The following CMC2 variants were observed in gnomAD, a reference collection of about 807,000 sequenced individuals.
CMC2 encodes the protein COX assembly mitochondrial protein 2 homolog.
A neutral mutation model predicts 7.5 loss-of-function variants in CMC2; 5 were observed. That is an observed-to-expected ratio of 0.66 (90% CI 0.35 to 1.40). The LOEUF is 1.40. CMC2 is among the 40% of genes most tolerant of loss of function. The pLI is 0.04. For synonymous variants in CMC2, 37 were observed against 31.4 expected, an observed-to-expected ratio of 1.18 and a Z score of -0.60; for missense variants, 115 against 92.3, an observed-to-expected ratio of 1.25 and a Z score of -1.01.
intron 2 of CMC2, chr16:80,983,868 C>T (rs1037854361): frequency 6.6e-6 from 1 of 152,350 alleles, no homozygotes; most frequent in Non-Finnish European, 1.5e-5. Context: ...GTAATCCCAA[C>T]TACTCTGGAG....
chr16:80,982,914 G>A (rs1967239922), intron 2 of CMC2: 1 of 167,600 alleles, frequency 6.0e-6, no homozygotes, highest in Non-Finnish European at 1.3e-5. Context: ...TGCTGGAAGT[G>A]CTCCCAAGAA....
At chr16:81,004,768 ACT>A (rs1465071821) in intron 1 of CMC2, among the ~76,000 whole-genome samples, 3 of 152,122 alleles carry the variant, frequency 2.0e-5, no homozygotes, top group African/African-American at 7.2e-5. Context: ...TTGTCTACTG[ACT>A]CTGAGGTACA....
At chr16:81,003,306 T>C (rs2602417) in intron 1 of CMC2, among the ~76,000 whole-genome samples, 95,885 of 152,176 alleles carry the variant, frequency 0.63, 31,744 homozygotes, top group South Asian at 0.79. Flanking sequence ...GTATTCCATA[T>C]TCTTATTCTT....
At position 80,974,763 on chromosome 16, in the gene CMC2, T is replaced by C. The variant is rs905739399; in HGVS notation, c.*1330A>G. The C allele has an allele frequency of 2.6e-5, 4 of 152,238 alleles. No homozygotes were observed. The highest frequency in any genetic ancestry group is 5.9e-5 in the Non-Finnish European group (4 of 68,044). 9.4% of individuals were successfully genotyped at this position (152,238 alleles called of 1,614,324 possible). ...AGGCAAAATGTCTCATTTCTGTATTTCTACTGCCTGACACTAGGGGGACTG... is the reference window on the plus strand; with the variant it reads ...AGGCAAAATGTCTCATTTCTGTATTCCTACTGCCTGACACTAGGGGGACTG... On this transcript the variant is annotated 3_prime_UTR_variant, in exon 4 of 4. Coordinates refer to ENST00000219400, the MANE Select transcript of CMC2 (RefSeq NM_020188.5).
At chr16:80,982,001 G>T (rs969453167) in intron 2 of CMC2, 124 bp from the exon 3 acceptor site, 1 of 583,998 alleles carries the variant, frequency 1.7e-6, no homozygotes, top group Non-Finnish European at 3.0e-6. Context: ...ACAAGTAATA[G>T]TTAAATCACA....
chr16:80,999,244 A>G (rs1477845179), intron 1 of CMC2, among the ~76,000 whole-genome samples: 2 of 152,222 alleles, frequency 1.3e-5, no homozygotes, highest in Non-Finnish European at 2.9e-5. Context: ...AACATAGAAA[A>G]ATCAGTAGCA....
chr16:81,006,617 G>C (rs1197418126), intron 1 of CMC2, 117 bp downstream of exon 1: 1 of 777,742 alleles, frequency 1.3e-6, no homozygotes, highest in Non-Finnish European at 1.6e-6. Context: ...GGGTCTTCCT[G>C]GTCCCCACCT....
At chr16:80,981,018 A>G (rs1488695756) in intron 3 of CMC2, 1 of 412,810 alleles carries the variant, frequency 2.4e-6, no homozygotes, top group Non-Finnish European at 4.3e-6. Context: ...AGCAGAAAAC[A>G]AAATCAAAAG....
Position 81,006,816 on chromosome 16 carries a change from G to A in CMC2, c.-118C>T. On this transcript the variant is annotated 5_prime_UTR_variant, in exon 1 of 4. Coordinates refer to ENST00000219400, the MANE Select transcript of CMC2 (RefSeq NM_020188.5). Reference sequence around the variant, plus strand: ...CCCGAAGGCCGGCTGCTAGGGAGCAGACAGCTGAACCGCTTGCCAGACGCC... The same window carrying A: ...CCCGAAGGCCGGCTGCTAGGGAGCAAACAGCTGAACCGCTTGCCAGACGCC... The A allele has an allele frequency of 1.0e-6, 1 of 985,622 alleles. No homozygotes were observed. Among genetic ancestry groups the A allele is most frequent in the Non-Finnish European group, 1.2e-6 (1 of 830,096 alleles). The allele number at this position is 985,622 out of a possible 1,614,324, so 61.1% of individuals were successfully genotyped here.
At chr16:80,993,004 A>G (rs1968128227) in intron 2 of CMC2, among the ~76,000 whole-genome samples, 1 of 152,086 alleles carries the variant, frequency 6.6e-6, no homozygotes, top group Admixed American at 6.6e-5. Context: ...CCCCACACCT[A>G]GGTTATATAA....
At chr16:80,978,775 T>C (rs928691890) in intron 3 of CMC2, among the ~76,000 whole-genome samples, 1 of 151,726 alleles carries the variant, frequency 6.6e-6, no homozygotes, top group Admixed American at 6.6e-5. Flanking sequence ...GGCCATACCC[T>C]TTTTCTACTT....
At chr16:81,006,678 G>A (rs1009541137) in intron 1 of CMC2, 56 bp downstream of exon 1, 5 of 981,308 alleles carry the variant, frequency 5.1e-6, no homozygotes, top group Admixed American at 6.1e-5. Flanking sequence ...CGCCATCAGG[G>A]ACCTGAGGAG....
chr16:80,985,917 A>AAAAAC (rs1311503689), intron 2 of CMC2, among the ~76,000 whole-genome samples: 1 of 151,450 alleles, frequency 6.6e-6, no homozygotes, highest in East Asian at 1.9e-4. Context: ...AAAAAAAAAA[A>AAAAAC]ACCACAGGAA....
At chr16:80,977,706 AGTTTT>A (rs1912587053) in intron 3 of CMC2, among the ~76,000 whole-genome samples, 1 of 152,214 alleles carries the variant, frequency 6.6e-6, no homozygotes, top group Non-Finnish European at 1.5e-5. Context: ...CTAGGTCAAA[AGTTTT>A]GACTGAAGGA....
At position 80,986,337 on chromosome 16, in the gene CMC2, G is replaced by C. The variant is rs146267393; in HGVS notation, c.82-4460C>G. On this transcript the variant is annotated intron_variant, in intron 2 of 3. Transcript: ENST00000219400. Reference sequence around the variant, plus strand: ...TACACTCCAGCCTGGGCGACAGAGAGAAACTCTGCCTCAAAACTAACTAAA... The same window carrying C: ...TACACTCCAGCCTGGGCGACAGAGACAAACTCTGCCTCAAAACTAACTAAA... Among the ~76,000 whole-genome samples the C allele has an allele frequency of 1.8e-4, 27 of 152,140 alleles. No individual in the cohort carries two copies. In the East Asian group the frequency reaches 5.2e-3, roughly 29 times the overall value.
chr16:81,004,473 T>C (rs1423878057), intron 1 of CMC2, among the ~76,000 whole-genome samples: 2 of 152,188 alleles, frequency 1.3e-5, no homozygotes, highest in Non-Finnish European at 1.5e-5. Flanking sequence ...GTCTCATCTT[T>C]ACAATGGCAT....
In CMC2 at chr16:80,966,933, C is replaced by A. The variant is rs75869945; in HGVS notation, c.*9160G>T. On this transcript the variant is annotated 3_prime_UTR_variant, in exon 4 of 4. Transcript: ENST00000219400. ...GTCCTATTCGTAGACATATAGAGCC[C>A]GTCTTATTTTAATTACATCCAACAA... 6.6e-6 allele frequency: 1 copy of A among 152,026 alleles called. No homozygotes were observed. The highest frequency in any genetic ancestry group is 2.4e-5 in the African/African-American group (1 of 41,396). The allele number at this position is 152,026 out of a possible 1,614,324, so 9.4% of individuals were successfully genotyped here.
At chr16:80,978,127 TC>T (rs1285513218) in intron 3 of CMC2, 3 of 279,694 alleles carry the variant, frequency 1.1e-5, no homozygotes, top group Middle Eastern at 1.7e-3. Flanking sequence ...TCAAAGTCAT[TC>T]ATTTTATCTA....
intron 3 of CMC2, among the ~76,000 whole-genome samples, chr16:80,979,952 C>CT (rs751199283): frequency 3.0e-4 from 46 of 152,150 alleles, no homozygotes; most frequent in Non-Finnish European, 4.9e-4. Context: ...GGGTCTCACT[C>CT]TGTCACCCAG....
Sources: allele counts gnomAD v4.1 joint callset (sites outside exome capture counted in the v4.1 genomes callset), GRCh38; gene constraint gnomAD v4.1.1; transcripts MANE v1.5; gene names NCBI Gene and HGNC (gene_info 2026-07-23, HGNC 2026-07-21).